The following STK4 variants were observed in gnomAD, a reference collection of about 807,000 sequenced individuals.
STK4 encodes serine/threonine kinase 4.
A neutral mutation model predicts 64.9 loss-of-function variants in STK4; 30 were observed. That is an observed-to-expected ratio of 0.46 (90% CI 0.35 to 0.63). The LOEUF is 0.63. STK4 is among the 20% of genes least tolerant of loss of function. The pLI is 0.01. For synonymous variants in STK4, 177 were observed against 199.0 expected, an observed-to-expected ratio of 0.89 and a Z score of 0.93; for missense variants, 466 against 598.5, an observed-to-expected ratio of 0.78 and a Z score of 2.31.
At chr20:45,066,116 A>G (rs973507926) in intron 10 of STK4, among the ~76,000 whole-genome samples, 3 of 151,964 alleles carry the variant, frequency 2.0e-5, no homozygotes, top group Non-Finnish European at 4.4e-5. Context: ...TATGTATAGG[A>G]AAAAATTGTG....
intron 9 of STK4, among the ~76,000 whole-genome samples, chr20:45,023,655 A>T (rs540358595): frequency 1.3e-5 from 2 of 152,258 alleles, no homozygotes; most frequent in East Asian, 1.9e-4. Flanking sequence ...TTGATTTTTA[A>T]ATCATGCCAG....
At chr20:44,991,541 G>A (rs2067633852) in intron 5 of STK4, among the ~76,000 whole-genome samples, 1 of 152,040 alleles carries the variant, frequency 6.6e-6, no homozygotes, top group Admixed American at 6.6e-5. Flanking sequence ...GCAGCAACTT[G>A]TATCTTCCCT....
In STK4 at chr20:45,001,086, A is replaced by G. The variant is rs1034684257; in HGVS notation, c.961-81A>G. Reference sequence around the variant, plus strand: ...AAGTGTTAAATCTCGAAATATTTTCACTAAGACAGGTAGTAGTTATTCAGA... The same window carrying G: ...AAGTGTTAAATCTCGAAATATTTTCGCTAAGACAGGTAGTAGTTATTCAGA... On this transcript the variant is annotated intron_variant, in intron 8 of 10. Coordinates refer to ENST00000372806, the MANE Select transcript of STK4 (RefSeq NM_006282.5). 3 of 1,421,930 alleles carry G rather than the reference A, an allele frequency of 2.1e-6. No individual in the cohort carries two copies. The African/African-American group carries it at 4.3e-5, about 20-fold the overall frequency. 88.1% of individuals were successfully genotyped at this position (1,421,930 alleles called of 1,614,324 possible).
intron 10 of STK4, among the ~76,000 whole-genome samples, chr20:45,043,932 A>G (rs2068653302): frequency 6.6e-6 from 1 of 152,062 alleles, no homozygotes; most frequent in Non-Finnish European, 1.5e-5. Context: ...GTGATTTGCC[A>G]TTGCCTTCTG....
intron 5 of STK4, among the ~76,000 whole-genome samples, chr20:44,990,658 G>A (rs184311794): frequency 1.3e-5 from 2 of 152,124 alleles, no homozygotes; most frequent in East Asian, 3.9e-4. Context: ...CTCATTTAAT[G>A]TTCCTGATTC....
At position 45,075,645 on chromosome 20, in the gene STK4, T is replaced by C. The variant is rs1414527698; in HGVS notation, c.*469T>C. ...GGTTTGCCTCTTTTCTGTAAGATTA[T>C]GGTACTGTGGAACATGAGGGCAGAG... is the stretch of plus-strand genomic sequence containing the variant. On this transcript the variant is annotated 3_prime_UTR_variant, in exon 11 of 11. Transcript: ENST00000372806. 1 of 152,904 alleles carries C rather than the reference T, an allele frequency of 6.5e-6. No individual in the cohort carries two copies. Among genetic ancestry groups the C allele is most frequent in the Non-Finnish European group, 1.5e-5 (1 of 68,270 alleles). The allele number at this position is 152,904 out of a possible 1,614,324, so 9.5% of individuals were successfully genotyped here.
chr20:45,016,950 C>A (rs1024702650), intron 9 of STK4, among the ~76,000 whole-genome samples: 3 of 152,080 alleles, frequency 2.0e-5, no homozygotes, highest in South Asian at 2.1e-4. Context: ...GCTGTTCTGA[C>A]CTTCTTTTGT....
intron 10 of STK4, among the ~76,000 whole-genome samples, chr20:45,070,037 A>T (rs1226377877): frequency 1.3e-5 from 2 of 152,234 alleles, no homozygotes; most frequent in Admixed American, 1.3e-4. Flanking sequence ...TTAAGGAAGA[A>T]CAGGGCATGA....
chr20:45,003,756 C>T (rs1053418061), intron 9 of STK4, among the ~76,000 whole-genome samples: 8 of 149,136 alleles, frequency 5.4e-5, no homozygotes, highest in African/African-American at 2.0e-4. Flanking sequence ...CACTCTGTCG[C>T]CCAGGCTTGG....
At chr20:44,969,614 G>A (rs964349405) in intron 1 of STK4, among the ~76,000 whole-genome samples, 3 of 152,206 alleles carry the variant, frequency 2.0e-5, no homozygotes. Context: ...GGCGTAGAGT[G>A]CATTCCTGGG....
intron 7 of STK4, among the ~76,000 whole-genome samples, chr20:44,997,672 G>A (rs1445445910): frequency 2.6e-5 from 4 of 152,214 alleles, no homozygotes; most frequent in African/African-American, 4.8e-5. Flanking sequence ...ATTCCAGCCT[G>A]AGCAATAGAG....
At chr20:45,009,131 A>T (rs2068001299) in intron 9 of STK4, among the ~76,000 whole-genome samples, 1 of 152,170 alleles carries the variant, frequency 6.6e-6, no homozygotes, top group African/African-American at 2.4e-5. Flanking sequence ...TGTGAAGGGT[A>T]TCGCCTAGGT....
chr20:45,045,150 A>G (rs1836364203), intron 10 of STK4, among the ~76,000 whole-genome samples: 1 of 152,262 alleles, frequency 6.6e-6, no homozygotes, highest in Non-Finnish European at 1.5e-5. Context: ...GATTTCTGGT[A>G]TGACTCCGTT....
At chr20:45,038,578 G>GT (rs2068563664) in intron 10 of STK4, among the ~76,000 whole-genome samples, 1 of 152,012 alleles carries the variant, frequency 6.6e-6, no homozygotes, top group South Asian at 2.1e-4. Context: ...ATCCCATATA[G>GT]TTTCAACCTT....
chr20:44,986,287 G>GAT (rs1287972182), intron 4 of STK4, among the ~76,000 whole-genome samples: 1 of 152,156 alleles, frequency 6.6e-6, no homozygotes, highest in East Asian at 1.9e-4. Context: ...CTGAGGAGGT[G>GAT]ATATTTGGGC....
chr20:45,073,620 T>G (rs1162618217), intron 10 of STK4, among the ~76,000 whole-genome samples: 1 of 152,198 alleles, frequency 6.6e-6, no homozygotes, highest in Admixed American at 6.5e-5. Flanking sequence ...ACTGTACCTA[T>G]TAAACTGGTT....
In STK4 at chr20:44,988,533, G is replaced by GTATATATATATATATA. The variant is rs71197589; in HGVS notation, c.525+1257_525+1272dup. Among the ~76,000 whole-genome samples the GTATATATATATATATA allele has an allele frequency of 9.1e-4, 92 of 101,568 alleles. 1 individual carries two copies. Among genetic ancestry groups the GTATATATATATATATA allele is most frequent in the South Asian group, 1.7e-3 (5 of 2,934 alleles). 66.6% of individuals were successfully genotyped at this position (101,568 alleles called of 152,430 possible). A position where few individuals can be genotyped will look rare whatever the true frequency, so the allele number is the denominator to read the frequency against. On this transcript the variant is annotated intron_variant, in intron 5 of 10. Transcript: ENST00000372806. ...TGTGTGTGTATATATATGTGTGTGT[G>GTATATATATATATATA]TATATATATATATATATATATATAT...
intron 4 of STK4, among the ~76,000 whole-genome samples, chr20:44,985,259 C>G (rs2067512396): frequency 6.6e-6 from 1 of 152,198 alleles, no homozygotes. Context: ...ATAATAGTTC[C>G]TCTACCTCAT....
chr20:44,997,385 G>A, intron 7 of STK4, 79 bp downstream of exon 7: 1 of 1,508,950 alleles, frequency 6.6e-7, no homozygotes, highest in South Asian at 1.3e-5. Flanking sequence ...TCACCTACGT[G>A]GAGATAGTAA....
Sources: gnomAD v4.1 joint callset for allele counts (sites outside exome capture counted in the v4.1 genomes callset) on GRCh38, gnomAD v4.1.1 for gene constraint, MANE v1.5 for transcripts, NCBI Gene and HGNC (gene_info 2026-07-23, HGNC 2026-07-21) for gene names.